CDKL4: variants seen among roughly 807,000 people sequenced by gnomAD.
CDKL4 encodes cyclin-dependent kinase-like 4.
CDKL4 carries 44 observed loss-of-function variants against 42.0 expected under a neutral mutation model. The observed-to-expected ratio is 1.05, with a 90% confidence interval of 0.82 to 1.35. The LOEUF is 1.35. Ranked by LOEUF, CDKL4 falls within the 40% of genes most tolerant of loss-of-function variation. The pLI is 0.00. For synonymous variants in CDKL4, 120 were observed against 121.6 expected, an observed-to-expected ratio of 0.99 and a Z score of 0.09; for missense variants, 393 against 369.9, an observed-to-expected ratio of 1.06 and a Z score of -0.51.
At position 39,180,858 on chromosome 2, in the gene CDKL4, T is replaced by A. The variant is rs556690314; in HGVS notation, c.793-1537A>T. Among the ~76,000 whole-genome samples, 20 of 152,212 alleles carry A rather than the reference T, an allele frequency of 1.3e-4. 1 individual carries two copies. In the South Asian group the frequency reaches 3.9e-3, roughly 30 times the overall value. ...GGCATGCACCACCATGCTGAGTACA[T>A]TTTTGTATTTTTAGTAGAGACAGGT... is the stretch of plus-strand genomic sequence containing the variant. On this transcript the variant is annotated intron_variant, in intron 8 of 9. Transcript: ENST00000451199.
intron 4 of CDKL4, among the ~76,000 whole-genome samples, chr2:39,212,004 A>G (rs1207373334): frequency 6.6e-6 from 1 of 152,220 alleles, no homozygotes; most frequent in Non-Finnish European, 1.5e-5. Flanking sequence ...GTTAAATTAC[A>G]TACAAGAAAA....
At chr2:39,169,884 C>T in the CDKL4 span, among the ~76,000 whole-genome samples, 5 of 152,000 alleles carry the variant, frequency 3.3e-5, no homozygotes, top group East Asian at 7.7e-4. Context: ...CTGCAACCTC[C>T]GCCTCCTGGC....
At chr2:39,201,312 A>T (rs531030292) in intron 5 of CDKL4, among the ~76,000 whole-genome samples, 2 of 151,802 alleles carry the variant, frequency 1.3e-5, no homozygotes, top group African/African-American at 4.8e-5. Flanking sequence ...AATAAAAAAA[A>T]AAAAACTACA....
intron 4 of CDKL4, among the ~76,000 whole-genome samples, chr2:39,208,279 C>G: frequency 6.6e-6 from 1 of 152,066 alleles, no homozygotes; most frequent in Admixed American, 6.6e-5. Context: ...TATTTTCCCT[C>G]GAAGAACAAG....
chr2:39,240,920 C>T (rs1464720249), intron 1 of CDKL4, among the ~76,000 whole-genome samples: 6 of 152,044 alleles, frequency 3.9e-5, no homozygotes, highest in Admixed American at 2.0e-4. Context: ...TACGAATAAC[C>T]GGCCTGTACT....
intron 5 of CDKL4, among the ~76,000 whole-genome samples, chr2:39,203,671 C>A: frequency 6.6e-6 from 1 of 152,148 alleles, no homozygotes; most frequent in East Asian, 1.9e-4. Context: ...TGCAAACATC[C>A]CTACTAATGG....
intron 3 of CDKL4, among the ~76,000 whole-genome samples, chr2:39,219,258 TGGTAAAAGAA>T (rs1157064616): frequency 6.6e-6 from 1 of 152,104 alleles, no homozygotes; most frequent in Non-Finnish European, 1.5e-5. Context: ...ATTCAGGACA[TGGTAAAAGAA>T]GTGGATGTGG....
chr2:39,204,128 C>T (rs925676053), intron 5 of CDKL4, among the ~76,000 whole-genome samples: 1 of 152,176 alleles, frequency 6.6e-6, no homozygotes, highest in African/African-American at 2.4e-5. Flanking sequence ...GTCTCACCAG[C>T]TCTGTGAAGT....
chr2:39,180,607 T>C (rs1293273791), intron 8 of CDKL4, among the ~76,000 whole-genome samples: 4 of 151,878 alleles, frequency 2.6e-5, no homozygotes, highest in South Asian at 2.1e-4. Context: ...ACCCATGCCA[T>C]ATATCAACTC....
In CDKL4 at chr2:39,225,823, T is replaced by C. The variant is rs766767021; in HGVS notation, c.290+16A>G. On this transcript the variant is annotated intron_variant, in intron 3 of 9. Coordinates refer to ENST00000451199, the Ensembl canonical transcript of CDKL4. Reference sequence around the variant, plus strand: ...GAGAACTGGCTGTACAGAATTTCAGTTTCCAGATTACTTACCCATTTGGGT... The same window carrying C: ...GAGAACTGGCTGTACAGAATTTCAGCTTCCAGATTACTTACCCATTTGGGT... The C allele has an allele frequency of 6.3e-7, 1 of 1,589,454 alleles. No individual in the cohort carries two copies. The highest frequency in any genetic ancestry group is 8.5e-7 in the Non-Finnish European group (1 of 1,170,278).
chr2:39,225,513 A>T (rs866159296), intron 3 of CDKL4, among the ~76,000 whole-genome samples: 10 of 152,138 alleles, frequency 6.6e-5, no homozygotes, highest in African/African-American at 2.2e-4. Context: ...TCAATCGTAC[A>T]TTTTTTTATC....
chr2:39,233,665 G>A (rs1328292210), intron 1 of CDKL4, among the ~76,000 whole-genome samples: 1 of 151,612 alleles, frequency 6.6e-6, no homozygotes, highest in African/African-American at 2.4e-5. Context: ...CCCCATACAT[G>A]CTATTATTGT....
rs193216422 is a variant in CDKL4, at chr2:39,176,825, C to T, written c.928-729G>A. Among the ~76,000 whole-genome samples the T allele has an allele frequency of 1.1e-4, 16 of 152,288 alleles. No individual in the cohort carries two copies. In the South Asian group the frequency reaches 2.1e-3, roughly 20 times the overall value. On this transcript the variant is annotated intron_variant, in intron 9 of 9. Transcript: ENST00000451199. ...AAACATTATTTAGTCTTAAGGAAAC[C>T]GCAATGAATGAAAAGACTTTTTTCT...
intron 1 of CDKL4, among the ~76,000 whole-genome samples, chr2:39,239,142 T>C (rs1015869286): frequency 6.6e-6 from 1 of 152,048 alleles, no homozygotes; most frequent in African/African-American, 2.4e-5. Flanking sequence ...GATATCCATA[T>C]GCAAAACAAA....
intron 1 of CDKL4, among the ~76,000 whole-genome samples, chr2:39,237,911 CAACA>C (rs139395217): frequency 0.018 from 2,709 of 152,064 alleles, 51 homozygotes; most frequent in Non-Finnish European, 0.029. Context: ...TATATAATGG[CAACA>C]AACAATTTGA....
chr2:39,180,156 C>A (rs73930525), intron 8 of CDKL4, among the ~76,000 whole-genome samples: 1 of 152,158 alleles, frequency 6.6e-6, no homozygotes, highest in East Asian at 1.9e-4. Flanking sequence ...GTAATCCCAG[C>A]ACTTTGGGAG....
chr2:39,224,236 C>A (rs992712879), intron 3 of CDKL4, among the ~76,000 whole-genome samples: 12 of 151,970 alleles, frequency 7.9e-5, no homozygotes, highest in Non-Finnish European at 1.6e-4. Flanking sequence ...TTAAAAGTCC[C>A]TTTTTTCTCG....
At position 39,188,221 on chromosome 2, in the gene CDKL4, T is replaced by A. The variant is rs578167371; in HGVS notation, c.653-512A>T. On this transcript the variant is annotated intron_variant, in intron 6 of 9. Coordinates refer to ENST00000451199, the Ensembl canonical transcript of CDKL4. ...GCATGCCTTCTCAGGTAAGGCCAGT[T>A]CTCCCAAACCAGTCTCTTTGTCACA... Among the ~76,000 whole-genome samples, 265 of 152,078 alleles carry A rather than the reference T, an allele frequency of 1.7e-3. 2 individuals carry two copies. Among genetic ancestry groups the A allele is most frequent in the Middle Eastern group, 3.4e-3 (1 of 294 alleles).
chr2:39,210,910 C>T (rs1054080180), intron 4 of CDKL4, among the ~76,000 whole-genome samples: 9 of 152,200 alleles, frequency 5.9e-5, no homozygotes, highest in African/African-American at 7.2e-5. Context: ...ATAAAAACTT[C>T]ACTGACTTTC....
Sources: gnomAD v4.1 joint callset for allele counts (sites outside exome capture counted in the v4.1 genomes callset) on GRCh38, gnomAD v4.1.1 for gene constraint, MANE v1.5 for transcripts, NCBI Gene and HGNC (gene_info 2026-07-23, HGNC 2026-07-21) for gene names.